The following STXBP5L variants were observed in gnomAD, a reference collection of about 807,000 sequenced individuals.
The protein encoded by STXBP5L is syntaxin-binding protein 5-like.
Under a neutral mutation model 144.5 loss-of-function variants are expected in STXBP5L, and 65 were observed. The ratio of observed to expected loss-of-function variants is 0.45; its 90% confidence interval spans 0.37 to 0.55. The LOEUF (loss-of-function observed/expected upper bound fraction) is 0.55, where lower values mean the gene tolerates loss of function less well. Among genes scored for constraint, STXBP5L ranks in the 20% least tolerant of loss-of-function variants. The pLI is 0.00. For synonymous variants in STXBP5L, 505 were observed against 469.6 expected (o/e 1.08, Z -0.97); for missense variants, 1,298 against 1,405.5 (o/e 0.92, Z 1.22).
chr3:121,205,502 G>A (rs1330514220), intron 9 of STXBP5L, among the ~76,000 whole-genome samples: 2 of 152,170 alleles, frequency 1.3e-5, no homozygotes, highest in Non-Finnish European at 2.9e-5. Flanking sequence ...TGGGGATTAA[G>A]TTTCCAACAC....
At chr3:121,196,159 A>G (rs2047910579) in intron 9 of STXBP5L, among the ~76,000 whole-genome samples, 1 of 150,924 alleles carries the variant, frequency 6.6e-6, no homozygotes, top group Non-Finnish European at 1.5e-5. Flanking sequence ...TTTTAACAAT[A>G]TCAATTCTTT....
chr3:121,174,553 A>G (rs976413217), intron 9 of STXBP5L, among the ~76,000 whole-genome samples: 1 of 152,158 alleles, frequency 6.6e-6, no homozygotes, highest in Non-Finnish European at 1.5e-5. Context: ...TTTGGGAGAA[A>G]CAAGACCTGA....
intron 25 of STXBP5L, among the ~76,000 whole-genome samples, chr3:121,416,476 TTTATTTA>T (rs2047237159): frequency 5.3e-3 from 1 of 188 alleles, no homozygotes; most frequent in South Asian, 0.17. Context: ...TAGATTTTTA[TTTATTTA>T]TTTATTTATT....
At chr3:121,012,638 G>A (rs1944863570) in intron 3 of STXBP5L, among the ~76,000 whole-genome samples, 1 of 151,636 alleles carries the variant, frequency 6.6e-6, no homozygotes, top group Non-Finnish European at 1.5e-5. Context: ...TTAGAGAAAT[G>A]TCGATTTAAA....
chr3:120,980,314 G>A (rs936193314), intron 3 of STXBP5L, among the ~76,000 whole-genome samples: 8 of 152,088 alleles, frequency 5.3e-5, no homozygotes, highest in African/African-American at 1.9e-4. Context: ...GCTGTCAGTG[G>A]GGTGTTGAAA....
intron 3 of STXBP5L, among the ~76,000 whole-genome samples, chr3:120,971,622 A>G (rs895570616): frequency 1.3e-5 from 2 of 150,260 alleles, no homozygotes; most frequent in African/African-American, 5.0e-5. Flanking sequence ...GTAGTATTCC[A>G]TGGCACATGC....
chr3:121,092,817 G>T (rs1223587209), intron 5 of STXBP5L, among the ~76,000 whole-genome samples: 2 of 152,306 alleles, frequency 1.3e-5, no homozygotes, highest in East Asian at 3.9e-4. Context: ...TGTTGAATAG[G>T]AGTGGTGAGA....
At chr3:121,092,807 T>C (rs1201880680) in intron 5 of STXBP5L, among the ~76,000 whole-genome samples, 1 of 152,184 alleles carries the variant, frequency 6.6e-6, no homozygotes, top group Non-Finnish European at 1.5e-5. Context: ...TCCAACACCA[T>C]GTTGAATAGG....
intron 7 of STXBP5L, among the ~76,000 whole-genome samples, chr3:121,131,071 T>A (rs1270506010): frequency 6.6e-6 from 1 of 152,114 alleles, no homozygotes; most frequent in Non-Finnish European, 1.5e-5. Context: ...GATTGTAAGC[T>A]ATGTTATAAA....
chr3:121,276,285 A>G (rs1236819124), intron 18 of STXBP5L, among the ~76,000 whole-genome samples: 1 of 151,988 alleles, frequency 6.6e-6, no homozygotes, highest in Admixed American at 6.6e-5. Context: ...TTACAACAGC[A>G]TGCTTCTATT....
At chr3:121,157,117 G>C (rs2046143126) in intron 8 of STXBP5L, among the ~76,000 whole-genome samples, 1 of 152,086 alleles carries the variant, frequency 6.6e-6, no homozygotes, top group East Asian at 1.9e-4. Flanking sequence ...GTTTTTCGTA[G>C]TTAGACCTTG....
chr3:121,041,318 T>A (rs1437282757), intron 3 of STXBP5L, among the ~76,000 whole-genome samples: 2 of 152,156 alleles, frequency 1.3e-5, no homozygotes, highest in Non-Finnish European at 2.9e-5. Flanking sequence ...TTTACCTGTG[T>A]CTTTTAAGTC....
At chr3:121,344,328 C>A (rs1488498412) in intron 20 of STXBP5L, among the ~76,000 whole-genome samples, 2 of 152,118 alleles carry the variant, frequency 1.3e-5, no homozygotes, top group African/African-American at 2.4e-5. Context: ...CCATTCAGGA[C>A]ATAGGCATGG....
chr3:120,968,931 T>C (rs1449577568), intron 3 of STXBP5L, among the ~76,000 whole-genome samples: 1 of 152,174 alleles, frequency 6.6e-6, no homozygotes, highest in Non-Finnish European at 1.5e-5. Flanking sequence ...TTTTTCTTTA[T>C]CTACTTGTTG....
intron 9 of STXBP5L, among the ~76,000 whole-genome samples, chr3:121,199,953 T>C (rs2048074168): frequency 6.6e-6 from 1 of 152,206 alleles, no homozygotes; most frequent in South Asian, 2.1e-4. Flanking sequence ...TCTTTTTTTC[T>C]TGTGTTTCTG....
At chr3:121,321,871 A>G (rs906065531) in intron 20 of STXBP5L, among the ~76,000 whole-genome samples, 2 of 152,156 alleles carry the variant, frequency 1.3e-5, no homozygotes, top group Admixed American at 1.3e-4. Context: ...TTTATTTTAG[A>G]TTCAGGGGTT....
At chr3:121,196,131 G>T (rs1035230496) in intron 9 of STXBP5L, among the ~76,000 whole-genome samples, 25 of 150,842 alleles carry the variant, frequency 1.7e-4, no homozygotes, top group African/African-American at 6.1e-4. Context: ...CTATAGATCA[G>T]TTTGGATAGC....
chr3:121,210,451 A>T (rs1285019001), intron 10 of STXBP5L, among the ~76,000 whole-genome samples: 3 of 151,926 alleles, frequency 2.0e-5, no homozygotes, highest in African/African-American at 7.3e-5. Flanking sequence ...CCCATTTGTC[A>T]GTTTTGGCTT....
chr3:120,914,741 G>GT (rs1329650178), intron 2 of STXBP5L, among the ~76,000 whole-genome samples: 1 of 152,098 alleles, frequency 6.6e-6, no homozygotes, highest in East Asian at 1.9e-4. Context: ...GTGTGGATTT[G>GT]TTACATTCTC....
Sources: gnomAD v4.1 joint callset for allele counts (sites outside exome capture counted in the v4.1 genomes callset) on GRCh38, gnomAD v4.1.1 for gene constraint, MANE v1.5 for transcripts, NCBI Gene and HGNC (gene_info 2026-07-23, HGNC 2026-07-21) for gene names.